The following ZNF638 variants were observed in gnomAD, a reference collection of about 807,000 sequenced individuals.
ZNF638 encodes zinc finger protein 638.
Under a neutral mutation model 195.6 loss-of-function variants are expected in ZNF638, and 46 were observed. The ratio of observed to expected loss-of-function variants is 0.24; its 90% CI spans 0.19 to 0.30. ZNF638 has a LOEUF of 0.30. ZNF638 is among the 10% of genes least tolerant of loss of function. ZNF638 has a pLI of 1.00. For synonymous variants in ZNF638, 845 were observed against 772.0 expected, an observed-to-expected ratio of 1.09 and a Z score of -1.57; for missense variants, 2,440 against 2,325.3, an observed-to-expected ratio of 1.05 and a Z score of -1.01.
Position 71,388,033 on chromosome 2 carries a change from A to G in ZNF638, c.2377+7468A>G, listed in dbSNP as rs2079679887. Among the ~76,000 whole-genome samples the G allele has an allele frequency of 2.0e-5, 3 of 152,194 alleles. 1 individual carries two copies. The highest frequency in any genetic ancestry group is 2.9e-5 in the Non-Finnish European group (2 of 68,012). ...AACTACACTTATAATTAAAGAAAAAAAAATCCTACCAGTTTCCATTTCACA... is the reference window on the plus strand; with the variant it reads ...AACTACACTTATAATTAAAGAAAAAGAAATCCTACCAGTTTCCATTTCACA... On this transcript the variant is annotated intron_variant, in intron 10 of 27. Coordinates refer to ENST00000264447, the MANE Select transcript of ZNF638 (RefSeq NM_014497.5).
Position 71,349,626 on chromosome 2 carries a change from T to C in ZNF638, c.672T>C (p.Leu224=), listed in dbSNP as rs959390072. 1.9e-6 allele frequency: 3 copies of C among 1,614,106 alleles called. No individual in the cohort carries two copies. The African/African-American group carries it at 4.0e-5, about 22-fold the overall frequency. ...ASKYGYTEDP[L]EVRIYDPEIP... ...AATATGGCTACACAGAAGATCCACT[T>C]GAAGTACGTATTTATGATCCTGAAA... The change falls in exon 2 of 28, where the codon CTT becomes CTC. Residue 224 remains leucine (L), a synonymous_variant. Transcript: ENST00000264447.
chr2:71,367,561 T>C (rs1474479114), intron 6 of ZNF638, among the ~76,000 whole-genome samples: 2 of 150,116 alleles, frequency 1.3e-5, no homozygotes, highest in African/African-American at 4.9e-5. Context: ...TGCCTTAGCC[T>C]CCTGAGCAGC....
At chr2:71,333,123 A>G (rs1195894609) in intron 1 of ZNF638, 1 of 152,266 alleles carries the variant, frequency 6.6e-6, no homozygotes, top group Non-Finnish European at 1.5e-5. Context: ...TGTAAATGAC[A>G]TTCAAATAGC....
intron 6 of ZNF638, 95 bp from the exon 7 acceptor site, chr2:71,368,287 T>C (rs1324366003): frequency 8.3e-7 from 1 of 1,203,012 alleles, no homozygotes. Context: ...TTTAGTGTAC[T>C]AATATTAGTG....
At chr2:71,410,972 C>T (rs1451009439) in intron 20 of ZNF638, among the ~76,000 whole-genome samples, 3 of 106,068 alleles carry the variant, frequency 2.8e-5, no homozygotes, top group Non-Finnish European at 5.8e-5. Context: ...TTTTTCTCCC[C>T]ACCCACCACC....
Position 71,350,061 on chromosome 2 carries a change from T to G in ZNF638, c.1107T>G (p.Ser369Arg). ...SSNVHVGSRG[S>R]KKNYQSQADI... is the part of the protein sequence containing the mutation. Reference sequence around the variant, plus strand: ...ACGTACATGTTGGATCAAGAGGAAGTAAAAAGAATTACCAGTCACAGGCTG... The same window carrying G: ...ACGTACATGTTGGATCAAGAGGAAGGAAAAAGAATTACCAGTCACAGGCTG... The change falls in exon 2 of 28, where the codon AGT (serine) becomes AGG (arginine). Residue 369 changes from serine (S) to arginine (R), a missense_variant. Around this residue, in one of 5 missense-constraint regions of ZNF638, gnomAD observed 305 missense variants for 283.6 expected, o/e 1.08. Coordinates refer to ENST00000264447, the MANE Select transcript of ZNF638 (RefSeq NM_014497.5). The G allele has an allele frequency of 6.2e-7, 1 of 1,614,164 alleles. No individual in the cohort carries two copies. Among genetic ancestry groups the G allele is most frequent in the Non-Finnish European group, 8.5e-7 (1 of 1,180,032 alleles).
At chr2:71,406,340 T>A (rs544795420) in intron 19 of ZNF638, 78 bp downstream of exon 19, 1 of 1,299,268 alleles carries the variant, frequency 7.7e-7, no homozygotes, top group South Asian at 1.3e-5. Context: ...AATCTGCAAC[T>A]TCTGATCTGA....
At chr2:71,428,199 A>G (rs1421045317) in intron 24 of ZNF638, among the ~76,000 whole-genome samples, 1 of 152,170 alleles carries the variant, frequency 6.6e-6, no homozygotes, top group Admixed American at 6.5e-5. Context: ...GTCTCCAAAA[A>G]GAAGAAAAAA....
rs2080543779 is a variant in ZNF638 at position 71,426,560 on chromosome 2, A to G, written c.4691A>G (p.Lys1564Arg). The change falls in exon 24 of 28, where the codon AAA becomes AGA. Residue 1564 changes from lysine to arginine, a missense_variant. Around this residue, in one of 5 missense-constraint regions of ZNF638, gnomAD observed 1,883 missense variants for 1,739.1 expected, o/e 1.08. Transcript: ENST00000264447. ...SQAKQNPLKGKRKETLKNVPF... is the reference protein window; with the variant it reads ...SQAKQNPLKGRRKETLKNVPF... ...GCCAAGCAGAATCCACTAAAGGGAA[A>G]AAGGAAAGAAACTCTCAAAAATGTT... 11 of 1,614,018 alleles carry G rather than the reference A, an allele frequency of 6.8e-6. No homozygotes were observed. In the South Asian group the frequency reaches 1.1e-4, roughly 16 times the overall value.
Position 71,423,983 on chromosome 2 carries a change from C to T in ZNF638, c.4469C>T (p.Ser1490Phe), listed in dbSNP as rs772735536. ...KLDYRDITKQSQETEARPSIM... is the reference protein window; with the variant it reads ...KLDYRDITKQFQETEARPSIM... ...GATTACAGAGATATAACAAAACAATCTCAGGAAACAGAGGCTAGACCTTCC... is the reference window on the plus strand; with the variant it reads ...GATTACAGAGATATAACAAAACAATTTCAGGAAACAGAGGCTAGACCTTCC... The change falls in exon 22 of 28, where the codon TCT (serine) becomes TTT (phenylalanine). Residue 1490 changes from serine to phenylalanine, a missense_variant. Ser to Phe is a radical substitution (Grantham distance 155). Coordinates refer to ENST00000264447, the MANE Select transcript of ZNF638 (RefSeq NM_014497.5). 6.2e-7 allele frequency: 1 copy of T among 1,613,928 alleles called. No individual in the cohort carries two copies.
At chr2:71,377,907 G>A (rs2079462766) in intron 8 of ZNF638, among the ~76,000 whole-genome samples, 1 of 152,238 alleles carries the variant, frequency 6.6e-6, no homozygotes, top group South Asian at 2.1e-4. Context: ...ACATTCTTAA[G>A]AGTTGGGTGG....
Position 71,380,612 on chromosome 2 carries a change from G to A in ZNF638, c.2377+47G>A, listed in dbSNP as rs1315539037. 3 of 1,488,380 alleles carry A rather than the reference G, an allele frequency of 2.0e-6. No individual in the cohort carries two copies. The African/African-American group carries it at 4.2e-5, about 21-fold the overall frequency. 92.2% of individuals were successfully genotyped at this position (1,488,380 alleles called of 1,614,324 possible). ...TCTTTCAAATGAGTGTATCTTGTCA[G>A]TTTAGTAGAAACTTAGATGATGATG... On this transcript the variant is annotated intron_variant, in intron 10 of 27. Coordinates refer to ENST00000264447, the MANE Select transcript of ZNF638 (RefSeq NM_014497.5).
At chr2:71,370,665 T>C (rs2079293258) in intron 8 of ZNF638, among the ~76,000 whole-genome samples, 1 of 152,122 alleles carries the variant, frequency 6.6e-6, no homozygotes, top group South Asian at 2.1e-4. Context: ...AAAATATTTT[T>C]ATATCTTAAA....
Position 71,339,620 on chromosome 2 carries a change from TCTTTA to T in ZNF638, c.-203+7749_-203+7753del, listed in dbSNP as rs574485694. Among the ~76,000 whole-genome samples, 80 of 152,374 alleles carry T rather than the reference TCTTTA, an allele frequency of 5.3e-4. No individual in the cohort carries two copies. In the South Asian group the frequency reaches 7.5e-3, roughly 14 times the overall value. ...TGGATATTGAATACCTTCATTATTG[TCTTTA>T]CTTCTTGGTCTTGCTTACCTCTGTT... On this transcript the variant is annotated intron_variant, in intron 1 of 27. Transcript: ENST00000264447.
At chr2:71,424,870 C>T (rs994981024) in intron 23 of ZNF638, among the ~76,000 whole-genome samples, 155 bp downstream of exon 23, 4 of 152,158 alleles carry the variant, frequency 2.6e-5, no homozygotes, top group Non-Finnish European at 5.9e-5. Context: ...TATCTCTAAT[C>T]CTACCATTAA....
At chr2:71,424,787 G>A (rs1426336903) in intron 23 of ZNF638, 72 bp downstream of exon 23, 1 of 1,256,242 alleles carries the variant, frequency 8.0e-7, no homozygotes, top group East Asian at 2.4e-5. Flanking sequence ...CTTATAACTT[G>A]TGCCTGCCTT....
At chr2:71,332,359 C>G (rs528818171) in intron 1 of ZNF638, among the ~76,000 whole-genome samples, 1 of 152,330 alleles carries the variant, frequency 6.6e-6, no homozygotes, top group African/African-American at 2.4e-5. Flanking sequence ...AGCCCTCTGA[C>G]CAGCGACATT....
chr2:71,411,384 T>C (rs2080218745), intron 20 of ZNF638, among the ~76,000 whole-genome samples: 1 of 151,564 alleles, frequency 6.6e-6, no homozygotes, highest in South Asian at 2.1e-4. Context: ...CCAGCACTGA[T>C]TTCATAGATG....
intron 21 of ZNF638, among the ~76,000 whole-genome samples, chr2:71,421,040 T>C (rs1384128194): frequency 6.6e-6 from 1 of 152,186 alleles, no homozygotes; most frequent in Admixed American, 6.5e-5. Context: ...GCTATATCCT[T>C]GAGCCAGGAA....
Sources: allele counts gnomAD v4.1 joint callset (sites outside exome capture counted in the v4.1 genomes callset), GRCh38; gene constraint gnomAD v4.1.1; regional missense constraint gnomAD v4.1.1; transcripts MANE v1.5; gene names NCBI Gene and HGNC (gene_info 2026-07-23, HGNC 2026-07-21).